LPAR5: variants seen among roughly 807,000 people sequenced by gnomAD.
LPAR5 encodes the protein G protein-coupled receptor 92.
For missense variants in LPAR5, 544 were observed against 521.8 expected (o/e 1.04, Z -0.41); for synonymous variants, 271 against 261.6 (o/e 1.04, Z -0.35).
chr12:6,622,912 G>A (rs375010134), intron 1 of LPAR5, among the ~76,000 whole-genome samples: 2 of 152,060 alleles, frequency 1.3e-5, no homozygotes, highest in African/African-American at 4.8e-5. Context: ...ACTCCTGCCT[G>A]GGTGACAGAG....
chr12:6,620,435 G>A lies in LPAR5; in HGVS notation c.814C>T (p.Arg272Cys), dbSNP rs1044891949. The change falls in exon 2 of 2, where the codon CGC (arginine) becomes TGC (cysteine). Residue 272 changes from arginine to cysteine, a missense_variant. Coordinates refer to ENST00000329858, the MANE Select transcript of LPAR5 (RefSeq NM_020400.6). The surrounding 1 kb of genome is among the most constrained non-coding windows in gnomAD (Gnocchi z 6.8). ...ATCAGCACCCCGCGCACGCGATCGC[G>A]GGCAGGCACGCTGGCCGCCACCAGC... The part of the protein sequence containing the change: ...SKLVAASVPA[R>C]DRVRGVLMVM... The A allele has an allele frequency of 1.2e-6, 2 of 1,602,062 alleles. No individual in the cohort carries two copies. The highest frequency in any genetic ancestry group is 1.1e-5 in the South Asian group (1 of 89,956).
At chr12:6,627,102 G>C (rs1287232716) in intron 1 of LPAR5, among the ~76,000 whole-genome samples, 1 of 152,206 alleles carries the variant, frequency 6.6e-6, no homozygotes. Flanking sequence ...CAACTGAAAT[G>C]TATAAAGTGG....
chr12:6,628,020 T>TCTTTTTA (rs1948953513), intron 1 of LPAR5, among the ~76,000 whole-genome samples: 1 of 113,378 alleles, frequency 8.8e-6, no homozygotes. Flanking sequence ...CTTTTCTTTT[T>TCTTTTTA]CTTTTTTCTT....
At chr12:6,624,820 C>T (rs1351128891) in intron 1 of LPAR5, among the ~76,000 whole-genome samples, 2 of 151,934 alleles carry the variant, frequency 1.3e-5, no homozygotes, top group East Asian at 3.9e-4. Flanking sequence ...AGGTTTCTCC[C>T]TGTTGGTCAG....
At chr12:6,624,739 G>A (rs1948921666) in intron 1 of LPAR5, among the ~76,000 whole-genome samples, 1 of 152,088 alleles carries the variant, frequency 6.6e-6, no homozygotes, top group Admixed American at 6.6e-5. Context: ...TCCTGCCTCA[G>A]CCTCCCAAGT....
intron 1 of LPAR5, 74 bp from the exon 2 acceptor site, chr12:6,621,538 G>A: frequency 3.2e-6 from 1 of 309,056 alleles, no homozygotes; most frequent in East Asian, 5.7e-5. Flanking sequence ...CCACTGGCAG[G>A]CCTTCTGAAT....
At position 6,619,782 on chromosome 12, in the gene LPAR5, AG is replaced by A. The variant is rs1419866319; in HGVS notation, c.*347del. 7.2e-6 allele frequency: 3 copies of A among 417,082 alleles called. No homozygotes were observed. The Admixed American group carries it at 9.7e-5, about 13-fold the overall frequency. 25.8% of individuals were successfully genotyped at this position (417,082 alleles called of 1,614,324 possible). On this transcript the variant is annotated 3_prime_UTR_variant, in exon 2 of 2. Transcript: ENST00000329858. The stretch of plus-strand genomic sequence containing the variant: ...CAGGCCCCTGTGGCGGTTTAGATCC[AG>A]AATGCCCATTTTCTGTTCCATCTAA...
In LPAR5 at chr12:6,620,315, C is replaced by T. The variant is rs753530323; in HGVS notation, c.934G>A (p.Gly312Ser). Reference sequence around the variant, plus strand: ...GAGGTCCTGGCCCGGTGCGGAGTGCCCAGGCCGCGCAGGGTGTTGCGGAAG... The same window carrying T: ...GAGGTCCTGGCCCGGTGCGGAGTGCTCAGGCCGCGCAGGGTGTTGCGGAAG... ...EGFRNTLRGL[G>S]TPHRARTSAT... The change falls in exon 2 of 2, where the codon GGC (glycine) becomes AGC (serine). Residue 312 changes from glycine (G) to serine (S), a missense_variant. Coordinates refer to ENST00000329858, the MANE Select transcript of LPAR5 (RefSeq NM_020400.6). The surrounding 1 kb of genome is among the most constrained non-coding windows in gnomAD (Gnocchi z 6.8). The T allele has an allele frequency of 9.3e-6, 15 of 1,607,586 alleles. No individual in the cohort carries two copies. Among genetic ancestry groups the T allele is most frequent in the Non-Finnish European group, 1.3e-5 (15 of 1,177,240 alleles).
intron 1 of LPAR5, among the ~76,000 whole-genome samples, chr12:6,633,330 T>C (rs1948992260): frequency 6.6e-6 from 1 of 152,106 alleles, no homozygotes; most frequent in Non-Finnish European, 1.5e-5. Context: ...CCAGAGCCTG[T>C]GGGCTTTGCT....
chr12:6,631,198 G>A (rs116725185), intron 1 of LPAR5, among the ~76,000 whole-genome samples: 2 of 152,318 alleles, frequency 1.3e-5, no homozygotes, highest in East Asian at 1.9e-4. Flanking sequence ...CTCATTACAC[G>A]TGTGTGCACA....
chr12:6,635,174 A>G (rs914233201), intron 1 of LPAR5, among the ~76,000 whole-genome samples: 1 of 152,074 alleles, frequency 6.6e-6, no homozygotes, highest in African/African-American at 2.4e-5. Flanking sequence ...CCTTCTTGTC[A>G]TGGGGGCCCC....
At chr12:6,630,387 T>A (rs972503942) in intron 1 of LPAR5, among the ~76,000 whole-genome samples, 8 of 146,966 alleles carry the variant, frequency 5.4e-5, no homozygotes, top group African/African-American at 7.6e-5. Flanking sequence ...CTTCCCAAAG[T>A]GCTGGGTGCT....
At chr12:6,624,097 A>G (rs1473095815) in intron 1 of LPAR5, among the ~76,000 whole-genome samples, 1 of 152,210 alleles carries the variant, frequency 6.6e-6, no homozygotes, top group Non-Finnish European at 1.5e-5. Flanking sequence ...TTGACTTCTC[A>G]GTTTCTTCAT....
rs1324511518 is a variant in LPAR5, at chr12:6,620,045, C to T, written c.*85G>A. The T allele has an allele frequency of 6.4e-7, 1 of 1,558,692 alleles. No homozygotes were observed. Among genetic ancestry groups the T allele is most frequent in the Non-Finnish European group, 8.7e-7 (1 of 1,144,190 alleles). On this transcript the variant is annotated 3_prime_UTR_variant, in exon 2 of 2. Coordinates refer to ENST00000329858, the MANE Select transcript of LPAR5 (RefSeq NM_020400.6). The surrounding 1 kb of genome is among the most constrained non-coding windows in gnomAD (Gnocchi z 6.8). ...CCACCCAAAGGTCCAAGTGCCCAGC[C>T]CACCTTCTTGTGTGTACACCCTGTA...
In LPAR5 at chr12:6,620,507, C is replaced by T; in HGVS notation, c.742G>A (p.Val248Met). 1 of 1,584,672 alleles carries T rather than the reference C, an allele frequency of 6.3e-7. No homozygotes were observed. The highest frequency in any genetic ancestry group is 8.6e-7 in the Non-Finnish European group (1 of 1,165,782). ...ANLVIFLLCF[V>M]PYNSTLAVYG... ...ACCGCCAGCGTGCTGTTGTAGGGCA[C>T]GAAGCACAGCAGGAAGATGACGAGG... The change falls in exon 2 of 2, where the codon GTG becomes ATG. Residue 248 changes from valine to methionine, a missense_variant. Physicochemically the swap from Val to Met is conservative, Grantham distance 21. Coordinates refer to ENST00000329858, the MANE Select transcript of LPAR5 (RefSeq NM_020400.6). The surrounding 1 kb of genome is among the most constrained non-coding windows in gnomAD (Gnocchi z 6.8).
At chr12:6,631,517 A>G in intron 1 of LPAR5, 1 of 152,708 alleles carries the variant, frequency 6.5e-6, no homozygotes, top group East Asian at 1.9e-4. Flanking sequence ...GTGTGCAGCC[A>G]CCTTCCTTCT....
In LPAR5 at chr12:6,621,078, C is replaced by T. The variant is rs758073588; in HGVS notation, c.171G>A (p.Val57=). ...CCGCCAGGTTACACATGTACACGCT[C>T]ACCACCGAGTGCACGCGCAGCGCGC... ...FLRALRVHSV[V]SVYMCNLAAS... is the part of the protein sequence containing the mutation. Residue 57 remains valine (V), a synonymous_variant, in exon 2 of 2, where the codon GTG becomes GTA. Coordinates refer to ENST00000329858, the MANE Select transcript of LPAR5 (RefSeq NM_020400.6). 10 of 1,602,810 alleles carry T rather than the reference C, an allele frequency of 6.2e-6. No individual in the cohort carries two copies. Among genetic ancestry groups the T allele is most frequent in the Non-Finnish European group, 7.7e-6 (9 of 1,173,446 alleles).
chr12:6,626,719 A>G (rs1948942804), intron 1 of LPAR5, among the ~76,000 whole-genome samples: 2 of 152,134 alleles, frequency 1.3e-5, no homozygotes, highest in Admixed American at 6.5e-5. Context: ...TGTTTCTTCA[A>G]CTTGGAATGC....
In LPAR5 at chr12:6,631,135, GC is replaced by G. The variant is rs1392128820; in HGVS notation, c.-217+4771del. Reference sequence around the variant, plus strand: ...AACACCAGGAAGGAGGGACATGGAGGCCCCCATAGGCTGAAGAACGTCGGCA... The same window carrying G: ...AACACCAGGAAGGAGGGACATGGAGGCCCCATAGGCTGAAGAACGTCGGCA... On this transcript the variant is annotated intron_variant, in intron 1 of 1. Transcript: ENST00000329858. 3.9e-5 allele frequency among the ~76,000 whole-genome samples: 6 copies of G among 152,244 alleles called. No individual in the cohort carries two copies. The East Asian group carries it at 9.6e-4, about 24-fold the overall frequency.
Sources: allele counts gnomAD v4.1 joint callset (sites outside exome capture counted in the v4.1 genomes callset), GRCh38; gene constraint gnomAD v4.1.1; non-coding constraint Gnocchi (gnomAD v3.1); transcripts MANE v1.5; gene names NCBI Gene and HGNC (gene_info 2026-07-23, HGNC 2026-07-21).